The following GRM7 variants were observed in gnomAD, a reference collection of about 807,000 sequenced individuals.
GRM7 encodes the protein glutamate metabotropic receptor 7.
Under a neutral mutation model 84.5 loss-of-function variants are expected in GRM7, and 35 were observed. The observed-to-expected ratio is 0.41, with a 90% CI of 0.32 to 0.55. GRM7 has a LOEUF of 0.55. Ranked by LOEUF, GRM7 falls within the 20% of genes least tolerant of loss-of-function variation. The pLI, the probability that GRM7 is intolerant of heterozygous loss-of-function variation, is 0.19. For synonymous variants in GRM7, 487 were observed against 455.1 expected (o/e 1.07, Z -0.89); for missense variants, 1,003 against 1,194.6 (o/e 0.84, Z 2.36).
intron 1 of GRM7, among the ~76,000 whole-genome samples, chr3:6,980,209 T>G (rs2124830100): frequency 6.6e-6 from 1 of 152,240 alleles, no homozygotes; most frequent in Admixed American, 6.5e-5. Flanking sequence ...CAAATAAAAC[T>G]TACCTGAATA....
Position 7,050,293 on chromosome 3 carries a change from A to G in GRM7, c.520-96159A>G, listed in dbSNP as rs552793197. Reference sequence around the variant, plus strand: ...TAACTAACATAAAAGTCTGTTCTAAAACAAAAGCTTTGCAGACATCCAACT... The same window carrying G: ...TAACTAACATAAAAGTCTGTTCTAAGACAAAAGCTTTGCAGACATCCAACT... On this transcript the variant is annotated intron_variant, in intron 1 of 9. Transcript: ENST00000357716. 2.6e-4 allele frequency among the ~76,000 whole-genome samples: 39 copies of G among 152,036 alleles called. 1 individual carries two copies. Among genetic ancestry groups the G allele is most frequent in the Non-Finnish European group, 5.2e-4 (35 of 67,862 alleles).
chr3:6,954,108 C>T (rs1051921383), intron 1 of GRM7, among the ~76,000 whole-genome samples: 13 of 152,022 alleles, frequency 8.6e-5, no homozygotes, highest in Admixed American at 1.3e-4. Flanking sequence ...GAATGTACCC[C>T]ACAAATACTT....
At chr3:7,538,598 T>A (rs1358417126) in intron 7 of GRM7, among the ~76,000 whole-genome samples, 1 of 152,224 alleles carries the variant, frequency 6.6e-6, no homozygotes, top group Non-Finnish European at 1.5e-5. Flanking sequence ...TATAGAGATG[T>A]TGGCAGTTTT....
At chr3:6,990,363 G>GA (rs965356882) in intron 1 of GRM7, among the ~76,000 whole-genome samples, 3 of 152,204 alleles carry the variant, frequency 2.0e-5, no homozygotes, top group Non-Finnish European at 4.4e-5. Flanking sequence ...AGGGGAGTTA[G>GA]AAAATGGTAT....
intron 1 of GRM7, among the ~76,000 whole-genome samples, chr3:6,966,623 G>C (rs114141394): frequency 6.6e-6 from 1 of 152,144 alleles, no homozygotes; most frequent in Admixed American, 6.5e-5. Flanking sequence ...AGATGGAAAG[G>C]CCTATGTTTA....
At chr3:7,690,906 C>A in intron 9 of GRM7, 1 of 292,734 alleles carries the variant, frequency 3.4e-6, no homozygotes, top group Non-Finnish European at 6.7e-6. Context: ...ACTGTGTATC[C>A]TAAACCAAGG....
intron 2 of GRM7, among the ~76,000 whole-genome samples, chr3:7,290,639 T>G (rs1699588388): frequency 1.3e-5 from 2 of 152,174 alleles, no homozygotes; most frequent in South Asian, 4.1e-4. Context: ...TTCAGTTTCC[T>G]GTGGTTTGTC....
rs572678278 is a variant in GRM7, at chr3:6,885,396, T to C, written c.519+23489T>C. ...AAATTTCTAGGATGAAGGTTGTAAC[T>C]TCCGGGTTGTCCAGGTTGTTGCCGT... On this transcript the variant is annotated intron_variant, in intron 1 of 9. Transcript: ENST00000357716. 3.9e-5 allele frequency among the ~76,000 whole-genome samples: 6 copies of C among 152,342 alleles called. No individual in the cohort carries two copies. The East Asian group carries it at 1.2e-3, about 29-fold the overall frequency.
chr3:7,468,297 C>G (rs779714), intron 7 of GRM7, among the ~76,000 whole-genome samples: 2 of 152,082 alleles, frequency 1.3e-5, no homozygotes, highest in Non-Finnish European at 2.9e-5. Flanking sequence ...AACCACCTTT[C>G]TGCCCATCAT....
chr3:7,361,616 C>A (rs1044320003), intron 4 of GRM7, among the ~76,000 whole-genome samples: 1 of 152,028 alleles, frequency 6.6e-6, no homozygotes, highest in Non-Finnish European at 1.5e-5. Context: ...AAGTTGGAGC[C>A]ACTTCAGGAA....
chr3:7,521,741 G>A (rs1700602457), intron 7 of GRM7, among the ~76,000 whole-genome samples: 1 of 152,106 alleles, frequency 6.6e-6, no homozygotes, highest in Non-Finnish European at 1.5e-5. Context: ...ATATTCTCAG[G>A]TCTGCCTCTC....
chr3:6,952,238 C>T (rs1000046504), intron 1 of GRM7, among the ~76,000 whole-genome samples: 5 of 152,158 alleles, frequency 3.3e-5, no homozygotes, highest in African/African-American at 1.2e-4. Flanking sequence ...TAGGCCAGAC[C>T]CTTCCAAGTC....
chr3:7,555,116 G>T (rs963735972), intron 7 of GRM7, among the ~76,000 whole-genome samples: 2 of 152,156 alleles, frequency 1.3e-5, no homozygotes, highest in African/African-American at 4.8e-5. Context: ...ATTCTTCTCA[G>T]TTGTAAAATG....
chr3:7,598,910 A>G (rs1696176924), intron 8 of GRM7, among the ~76,000 whole-genome samples: 2 of 152,222 alleles, frequency 1.3e-5, no homozygotes, highest in African/African-American at 4.8e-5. Flanking sequence ...ATAATGATAT[A>G]AAGATATCTT....
chr3:7,225,337 CTT>C (rs1406100739), intron 2 of GRM7, among the ~76,000 whole-genome samples: 1 of 149,102 alleles, frequency 6.7e-6, no homozygotes, highest in Non-Finnish European at 1.5e-5. Context: ...TAATATATAA[CTT>C]ATTATATATA....
At chr3:7,228,939 G>A (rs1000806352) in intron 2 of GRM7, among the ~76,000 whole-genome samples, 1 of 152,180 alleles carries the variant, frequency 6.6e-6, no homozygotes, top group Non-Finnish European at 1.5e-5. Context: ...TAAATAACTT[G>A]AGAAATGTTG....
chr3:7,358,899 A>T (rs1038420338), intron 4 of GRM7, among the ~76,000 whole-genome samples: 2 of 151,976 alleles, frequency 1.3e-5, no homozygotes, highest in Non-Finnish European at 2.9e-5. Flanking sequence ...AGGCAGATGA[A>T]TTGAGGTCAG....
chr3:7,339,737 A>C (rs1054924133), intron 4 of GRM7, among the ~76,000 whole-genome samples: 3 of 152,052 alleles, frequency 2.0e-5, no homozygotes, highest in African/African-American at 4.8e-5. Flanking sequence ...GGTGAACTGA[A>C]GTGCTTTGCT....
At chr3:6,898,389 A>T (rs1419317494) in intron 1 of GRM7, among the ~76,000 whole-genome samples, 7 of 139,296 alleles carry the variant, frequency 5.0e-5, no homozygotes, top group Admixed American at 4.3e-4. Context: ...GAGATAAAGC[A>T]ATGGCACAAA....
Sources: allele counts gnomAD v4.1 joint callset (sites outside exome capture counted in the v4.1 genomes callset), GRCh38; gene constraint gnomAD v4.1.1; transcripts MANE v1.5; gene names NCBI Gene and HGNC (gene_info 2026-07-23, HGNC 2026-07-21).